ANK2: variants seen among roughly 807,000 people sequenced by gnomAD.
The protein encoded by ANK2 is ankyrin-2.
A neutral mutation model predicts 360.5 loss-of-function variants in ANK2; 83 were observed. The ratio of observed to expected loss-of-function variants is 0.23; its 90% CI spans 0.19 to 0.28. ANK2 has a LOEUF of 0.28. ANK2 is among the 10% of genes least tolerant of loss of function. The pLI is 1.00. For missense variants in ANK2, 4,201 were observed against 4,795.7 expected (o/e 0.88, Z 3.66); for synonymous variants, 1,740 against 1,759.5 (o/e 0.99, Z 0.28).
chr4:113,152,424 A>G (rs1005413519), intron 1 of ANK2: 4 of 152,128 alleles, frequency 2.6e-5, no homozygotes, highest in Non-Finnish European at 5.9e-5. Context: ...CTTTAATCAA[A>G]ACTTATTATG....
chr4:112,900,661 T>G (rs1032553872), intron 1 of ANK2, among the ~76,000 whole-genome samples: 6 of 152,280 alleles, frequency 3.9e-5, no homozygotes, highest in African/African-American at 1.4e-4. Flanking sequence ...ACTTAACACT[T>G]TCCTTCAAGT....
At chr4:113,106,378 T>TA (rs2093631074) in intron 1 of ANK2, among the ~76,000 whole-genome samples, 1 of 152,188 alleles carries the variant, frequency 6.6e-6, no homozygotes, top group Non-Finnish European at 1.5e-5. Flanking sequence ...TTTCTTAAGA[T>TA]AGAGTTTTAC....
intron 1 of ANK2, chr4:112,827,455 C>T (rs1223157091): frequency 7.3e-7 from 1 of 1,370,360 alleles, no homozygotes; most frequent in Non-Finnish European, 1.0e-6. Context: ...AAAAGACAAC[C>T]TTCTTGCTTC....
chr4:112,745,758 C>T, the ANK2 span, among the ~76,000 whole-genome samples: 1,122 of 152,228 alleles, frequency 7.4e-3, 18 homozygotes, highest in African/African-American at 0.026. Context: ...GTCTCGAACT[C>T]CTGACCTCCG....
At chr4:112,859,805 A>G (rs1489149834) in intron 1 of ANK2, among the ~76,000 whole-genome samples, 2 of 152,212 alleles carry the variant, frequency 1.3e-5, no homozygotes, top group African/African-American at 4.8e-5. Context: ...GTTAGCACAT[A>G]GAGATTTGTT....
At chr4:113,206,705 A>G (rs2098954055) in intron 4 of ANK2, among the ~76,000 whole-genome samples, 8 of 152,162 alleles carry the variant, frequency 5.3e-5, no homozygotes, top group Admixed American at 5.2e-4. Context: ...TATGCTTGGG[A>G]AAAAGATGAG....
At chr4:112,961,465 A>G (rs2034795115) in intron 2 of ANK2, among the ~76,000 whole-genome samples, 1 of 152,150 alleles carries the variant, frequency 6.6e-6, no homozygotes, top group Non-Finnish European at 1.5e-5. Context: ...AGGACAGAAT[A>G]TTTTTCTGAA....
chr4:113,002,842 C>T (rs1458001857), intron 2 of ANK2, among the ~76,000 whole-genome samples: 1 of 152,186 alleles, frequency 6.6e-6, no homozygotes, highest in Non-Finnish European at 1.5e-5. Flanking sequence ...AAGATTATGA[C>T]ATATTTCCTC....
the ANK2 span, among the ~76,000 whole-genome samples, chr4:112,794,691 C>T: frequency 6.0e-4 from 91 of 152,292 alleles, no homozygotes; most frequent in Non-Finnish European, 9.8e-4. Flanking sequence ...TTCTGCCATT[C>T]CCCCTTCTCT....
intron 2 of ANK2, among the ~76,000 whole-genome samples, chr4:113,021,506 A>G (rs940675356): frequency 2.2e-5 from 3 of 137,012 alleles, no homozygotes; most frequent in Non-Finnish European, 4.7e-5. Flanking sequence ...TGTATATATT[A>G]TGTGTATATA....
the ANK2 span, among the ~76,000 whole-genome samples, chr4:112,723,675 T>A: frequency 6.6e-6 from 1 of 152,150 alleles, no homozygotes; most frequent in African/African-American, 2.4e-5. Context: ...GATCTTTTTT[T>A]AATTAGCTGT....
intron 1 of ANK2, among the ~76,000 whole-genome samples, chr4:113,056,456 A>G (rs1381357924): frequency 6.6e-6 from 1 of 152,192 alleles, no homozygotes; most frequent in African/African-American, 2.4e-5. Context: ...AATTATAAAT[A>G]TGCTTACAGC....
At position 112,851,748 on chromosome 4, in the gene ANK2, C is replaced by T. The variant is rs555587964; in HGVS notation, c.-40+33484C>T. On this transcript the variant is annotated intron_variant, in intron 1 of 30. Coordinates refer to the ANK2 transcript ENST00000503271. ...AAGTGATTCTCCTGCCTCAGCCTCC[C>T]GAGTAGCTGGCACTACAGGTGCATG... is the stretch of plus-strand genomic sequence containing the variant. Among the ~76,000 whole-genome samples the T allele has an allele frequency of 5.3e-5, 8 of 152,102 alleles. No homozygotes were observed. The South Asian group carries it at 1.0e-3, about 20-fold the overall frequency.
chr4:113,177,312 C>T (rs2098252669), intron 2 of ANK2, among the ~76,000 whole-genome samples: 2 of 151,956 alleles, frequency 1.3e-5, no homozygotes, highest in Admixed American at 1.3e-4. Context: ...GATCTCCTGA[C>T]CTCGTGATCA....
At chr4:113,098,698 C>T (rs1017623227) in intron 1 of ANK2, among the ~76,000 whole-genome samples, 1 of 151,916 alleles carries the variant, frequency 6.6e-6, no homozygotes, top group African/African-American at 2.4e-5. Context: ...GCTGGTATAA[C>T]CCTAATTCTA....
the ANK2 span, among the ~76,000 whole-genome samples, chr4:112,736,000 A>C: frequency 6.6e-6 from 1 of 152,258 alleles, no homozygotes; most frequent in African/African-American, 2.4e-5. Context: ...GGTAGACTAT[A>C]ATTTACATAG....
At chr4:112,976,394 G>C (rs2041426782) in intron 2 of ANK2, among the ~76,000 whole-genome samples, 2 of 151,994 alleles carry the variant, frequency 1.3e-5, no homozygotes, top group African/African-American at 4.8e-5. Flanking sequence ...GGGTTTCACT[G>C]TGTTGGTCAG....
intron 4 of ANK2, among the ~76,000 whole-genome samples, chr4:113,230,809 A>G (rs1025703593): frequency 9.2e-5 from 14 of 152,178 alleles, no homozygotes; most frequent in African/African-American, 3.4e-4. Context: ...TGCCTATAAT[A>G]ATGTTATAAT....
chr4:113,150,520 A>G (rs1432474594), intron 1 of ANK2, among the ~76,000 whole-genome samples: 6 of 152,336 alleles, frequency 3.9e-5, no homozygotes, highest in Admixed American at 3.3e-4. Context: ...GTAAGCATGT[A>G]TTCAGCCAGG....
Sources: allele counts gnomAD v4.1 joint callset (sites outside exome capture counted in the v4.1 genomes callset), GRCh38; gene constraint gnomAD v4.1.1; transcripts MANE v1.5; gene names NCBI Gene and HGNC (gene_info 2026-07-23, HGNC 2026-07-21).